The following CHRNA7 variants were observed in gnomAD, a reference collection of about 807,000 sequenced individuals.
CHRNA7 encodes neuronal acetylcholine receptor subunit alpha-7.
A neutral mutation model predicts 48.0 loss-of-function variants in CHRNA7; 17 were observed. That is an observed-to-expected ratio of 0.35 (90% CI 0.24 to 0.53). CHRNA7 has a LOEUF of 0.53. CHRNA7 is among the 20% of genes least tolerant of loss of function. CHRNA7 has a pLI of 0.92. For missense variants in CHRNA7, 155 were observed against 577.7 expected, an observed-to-expected ratio of 0.27 and a Z score of 7.50; for synonymous variants, 75 against 242.3, an observed-to-expected ratio of 0.31 and a Z score of 6.41.
At chr15:32,133,968 T>C (rs2051200467) in intron 4 of CHRNA7, among the ~76,000 whole-genome samples, 1 of 152,088 alleles carries the variant, frequency 6.6e-6, no homozygotes, top group African/African-American at 2.4e-5. Context: ...CAGATGGTGA[T>C]TGGGGTTTGA....
chr15:32,086,002 T>G (rs564219230), intron 2 of CHRNA7, among the ~76,000 whole-genome samples: 2 of 152,258 alleles, frequency 1.3e-5, no homozygotes, highest in East Asian at 3.9e-4. Flanking sequence ...CAATGTGACT[T>G]AGTTAATTTT....
chr15:32,142,263 A>G (rs2051395368), intron 4 of CHRNA7, among the ~76,000 whole-genome samples: 1 of 152,176 alleles, frequency 6.6e-6, no homozygotes, highest in African/African-American at 2.4e-5. Context: ...CATCCCAGGG[A>G]TGAAGCCAAC....
At chr15:32,111,997 T>C (rs1304381767) in intron 4 of CHRNA7, 98 bp downstream of exon 4, 2 of 835,160 alleles carry the variant, frequency 2.4e-6, no homozygotes, top group East Asian at 2.5e-5. Flanking sequence ...GGATATGTTA[T>C]CTATGATCTG....
chr15:32,164,913 TAAAAAAAAAAAAAAA>T (rs1164824394), intron 9 of CHRNA7, among the ~76,000 whole-genome samples: 7 of 15,956 alleles, frequency 4.4e-4, no homozygotes, highest in South Asian at 4.3e-3. Context: ...CTCCATCTCC[TAAAAAAAAAAAAAAA>T]AAAAAAAAAA....
chr15:32,127,780 A>G (rs2051093718), intron 4 of CHRNA7, among the ~76,000 whole-genome samples: 2 of 152,038 alleles, frequency 1.3e-5, no homozygotes, highest in Non-Finnish European at 2.9e-5. Flanking sequence ...TCTTCTTTAC[A>G]GGGTCTTTCA....
intron 3 of CHRNA7, among the ~76,000 whole-genome samples, chr15:32,108,028 A>AT (rs946268233): frequency 1.3e-5 from 2 of 152,060 alleles, no homozygotes; most frequent in African/African-American, 4.8e-5. Flanking sequence ...ACCATAATGT[A>AT]TTTTTTTAAT....
chr15:32,054,892 T>G (rs144347477), intron 2 of CHRNA7, among the ~76,000 whole-genome samples: 3 of 152,372 alleles, frequency 2.0e-5, no homozygotes, highest in African/African-American at 7.2e-5. Context: ...TGCATTTCTC[T>G]CTGATACAGA....
chr15:32,075,248 T>C (rs117978103), intron 2 of CHRNA7, among the ~76,000 whole-genome samples: 2,642 of 152,312 alleles, frequency 0.017, 32 homozygotes, highest in Non-Finnish European at 0.025. Flanking sequence ...GTGTTTCCTC[T>C]TTCAAATTGT....
chr15:32,057,175 A>C (rs1323171681), intron 2 of CHRNA7, among the ~76,000 whole-genome samples: 1 of 152,224 alleles, frequency 6.6e-6, no homozygotes, highest in Non-Finnish European at 1.5e-5. Flanking sequence ...TGCTTAATAA[A>C]TTAGGTTGCC....
In CHRNA7 at chr15:32,030,959, C is replaced by T. The variant is rs1265232297; in HGVS notation, c.117C>T (p.Pro39=). ...LYKELVKNYN[P]LERPVANDSQ... is the part of the protein sequence containing the mutation. ...AGGAGCTGGTCAAGAACTACAATCCCTTGGAGAGGCCCGTGGCCAATGACT... is the reference window on the plus strand; with the variant it reads ...AGGAGCTGGTCAAGAACTACAATCCTTTGGAGAGGCCCGTGGCCAATGACT... Residue 39 remains proline, a synonymous_variant, in exon 2 of 10, where the codon CCC becomes CCT. Transcript: ENST00000306901. 1 of 1,614,090 alleles carries T rather than the reference C, an allele frequency of 6.2e-7. No individual in the cohort carries two copies. The highest frequency in any genetic ancestry group is 8.5e-7 in the Non-Finnish European group (1 of 1,180,030).
intron 5 of CHRNA7, chr15:32,156,807 C>T (rs1207080123): frequency 1.0e-5 from 1 of 96,882 alleles, no homozygotes; most frequent in Non-Finnish European, 2.3e-5. Context: ...GGTGTGTTCC[C>T]CAGGCTGGAG....
At chr15:32,119,865 C>T (rs2050936757) in intron 4 of CHRNA7, among the ~76,000 whole-genome samples, 2 of 152,118 alleles carry the variant, frequency 1.3e-5, no homozygotes, top group African/African-American at 4.8e-5. Flanking sequence ...AGCTGTTTGC[C>T]TCGGGCTAAC....
At chr15:32,068,595 C>T (rs942720207) in intron 2 of CHRNA7, among the ~76,000 whole-genome samples, 21 of 151,812 alleles carry the variant, frequency 1.4e-4, no homozygotes, top group African/African-American at 4.4e-4. Context: ...TGGTGGTGGG[C>T]GCCTGTAATC....
chr15:32,111,643 C>T (rs2050763398), intron 3 of CHRNA7, 147 bp from the exon 4 acceptor site: 2 of 568,880 alleles, frequency 3.5e-6, no homozygotes, highest in Non-Finnish European at 6.2e-6. Flanking sequence ...TTTTTGAATT[C>T]CCATTTTCAT....
At chr15:32,040,678 C>T (rs2141170048) in intron 2 of CHRNA7, among the ~76,000 whole-genome samples, 1 of 151,382 alleles carries the variant, frequency 6.6e-6, no homozygotes, top group East Asian at 1.9e-4. Context: ...TACATTTTTG[C>T]TATTGTTACT....
chr15:32,101,672 C>G (rs1255440997), intron 3 of CHRNA7: 1 of 250,534 alleles, frequency 4.0e-6, no homozygotes, highest in Non-Finnish European at 7.4e-6. Context: ...ACAGCCAGTC[C>G]CCAGGACTCA....
intron 3 of CHRNA7, chr15:32,111,523 G>A (rs943729863): frequency 2.9e-6 from 1 of 341,934 alleles, no homozygotes; most frequent in Non-Finnish European, 5.2e-6. Context: ...AAGGCTCGGG[G>A]ACATGCAGAG....
rs1224698647 is a variant in CHRNA7 at position 32,107,271 on chromosome 15, G to C, written c.241-4519G>C. Among the ~76,000 whole-genome samples the C allele has an allele frequency of 5.3e-5, 8 of 152,056 alleles. No individual in the cohort carries two copies. In the East Asian group the frequency reaches 1.4e-3, roughly 26 times the overall value. On this transcript the variant is annotated intron_variant, in intron 3 of 9. Coordinates refer to ENST00000306901, the MANE Select transcript of CHRNA7 (RefSeq NM_000746.6). Reference sequence around the variant, plus strand: ...GGTTAAAGGGCTCAGTCTCACTTCAGATACCAGCTGCAAATGGTGTACCCA... The same window carrying C: ...GGTTAAAGGGCTCAGTCTCACTTCACATACCAGCTGCAAATGGTGTACCCA...
intron 2 of CHRNA7, among the ~76,000 whole-genome samples, chr15:32,053,570 C>G (rs1220921974): frequency 6.6e-6 from 1 of 152,134 alleles, no homozygotes; most frequent in Non-Finnish European, 1.5e-5. Context: ...AATGCACACT[C>G]AGTCACACAC....
Sources: allele counts gnomAD v4.1 joint callset (sites outside exome capture counted in the v4.1 genomes callset), GRCh38; gene constraint gnomAD v4.1.1; transcripts MANE v1.5; gene names NCBI Gene and HGNC (gene_info 2026-07-23, HGNC 2026-07-21).